The following KCNIP1 variants were observed in gnomAD, a reference collection of about 807,000 sequenced individuals.
KCNIP1 encodes the protein potassium voltage-gated channel interacting protein 1, also known as A-type potassium channel modulatory protein KCNIP1.
In KCNIP1, 18 loss-of-function variants were observed where a neutral mutation model predicts 33.0. The observed-to-expected ratio is 0.55, with a 90% CI of 0.38 to 0.81. The LOEUF is 0.81. Among genes scored for constraint, KCNIP1 ranks in the 30% least tolerant of loss-of-function variants. The pLI is 0.00. For synonymous variants in KCNIP1, 93 were observed against 98.3 expected (o/e 0.95, Z 0.32); for missense variants, 238 against 271.6 (o/e 0.88, Z 0.87).
chr5:170,496,618 G>C (rs1402195311), intron 1 of KCNIP1, among the ~76,000 whole-genome samples: 1 of 152,170 alleles, frequency 6.6e-6, no homozygotes, highest in Non-Finnish European at 1.5e-5. Flanking sequence ...ATCACCTCAG[G>C]AGACTAAAGC....
At chr5:170,626,004 T>G (rs1759806329) in intron 1 of KCNIP1, among the ~76,000 whole-genome samples, 1 of 152,066 alleles carries the variant, frequency 6.6e-6, no homozygotes, top group Admixed American at 6.5e-5. Context: ...GCCCAAAGTA[T>G]ACTGAGCGAT....
intron 1 of KCNIP1, among the ~76,000 whole-genome samples, chr5:170,675,709 A>G (rs989034423): frequency 6.6e-6 from 1 of 152,216 alleles, no homozygotes; most frequent in Non-Finnish European, 1.5e-5. Context: ...AACTGTGCAG[A>G]GCCCAGCACA....
chr5:170,530,436 A>G lies in KCNIP1; in HGVS notation c.61+25803A>G, dbSNP rs1474978387. ...AGAAACTGGGAGTCAAGGAGGTGAA[A>G]TGGCTTTCCCAAAGTCTTGCATATA... On this transcript the variant is annotated intron_variant, in intron 1 of 7. Coordinates refer to ENST00000328939, the MANE Select transcript of KCNIP1 (RefSeq NM_014592.4). Among the ~76,000 whole-genome samples the G allele has an allele frequency of 2.6e-5, 4 of 152,290 alleles. No homozygotes were observed. In the South Asian group the frequency reaches 8.3e-4, roughly 32 times the overall value.
intron 1 of KCNIP1, among the ~76,000 whole-genome samples, chr5:170,494,848 G>C (rs1441662348): frequency 6.6e-6 from 1 of 152,156 alleles, no homozygotes; most frequent in Non-Finnish European, 1.5e-5. Flanking sequence ...GAGAGATCGG[G>C]TTCAAACCCA....
chr5:170,695,903 C>T (rs1416731136), intron 1 of KCNIP1, among the ~76,000 whole-genome samples: 1 of 151,862 alleles, frequency 6.6e-6, no homozygotes, highest in Non-Finnish European at 1.5e-5. Context: ...CCTGTAATCC[C>T]AGCTACTTGG....
rs1757831457 is a variant in KCNIP1, at chr5:170,582,465, G to A, written c.61+77832G>A. ...TGCTCAATAAATGATAGGAAGTATTGGCTTTATAATATTGCATCTACCCCC... is the reference window on the plus strand; with the variant it reads ...TGCTCAATAAATGATAGGAAGTATTAGCTTTATAATATTGCATCTACCCCC... On this transcript the variant is annotated intron_variant, in intron 1 of 7. Transcript: ENST00000328939. Among the ~76,000 whole-genome samples the A allele has an allele frequency of 2.6e-5, 4 of 152,282 alleles. No individual in the cohort carries two copies. The South Asian group carries it at 8.3e-4, about 32-fold the overall frequency.
chr5:170,398,711 C>T (rs1204845462), intron 1 of KCNIP1, among the ~76,000 whole-genome samples: 2 of 152,224 alleles, frequency 1.3e-5, no homozygotes. Flanking sequence ...ATCAGCTGCT[C>T]TAAGTGGTTC....
chr5:170,431,001 C>T (rs1284514566), intron 1 of KCNIP1, among the ~76,000 whole-genome samples: 3 of 152,216 alleles, frequency 2.0e-5, no homozygotes, highest in Non-Finnish European at 4.4e-5. Context: ...ACAAAGAGTG[C>T]CATCCCTCCA....
At chr5:170,640,184 A>G (rs1309223929) in intron 1 of KCNIP1, among the ~76,000 whole-genome samples, 1 of 152,252 alleles carries the variant, frequency 6.6e-6, no homozygotes, top group African/African-American at 2.4e-5. Context: ...GTGACTCCCA[A>G]GGAGCTGATG....
rs1262191505 is a variant in KCNIP1 at position 170,551,638 on chromosome 5, ATGTGTGTGTGTGCT to A, written c.61+47008_61+47021del. On this transcript the variant is annotated intron_variant, in intron 1 of 7. Coordinates refer to ENST00000328939, the MANE Select transcript of KCNIP1 (RefSeq NM_014592.4). ...GGTAGCTGTGTGTGTGTGTGTGTGC[ATGTGTGTGTGTGCT>A]TGAGTGACTGTGAGTGGTTGTGAGA... is the stretch of plus-strand genomic sequence containing the variant. Among the ~76,000 whole-genome samples, 4 of 149,840 alleles carry A rather than the reference ATGTGTGTGTGTGCT, an allele frequency of 2.7e-5. No individual in the cohort carries two copies. The East Asian group carries it at 7.9e-4, about 29-fold the overall frequency.
At chr5:170,670,957 G>A (rs1359807305) in intron 1 of KCNIP1, among the ~76,000 whole-genome samples, 1 of 151,176 alleles carries the variant, frequency 6.6e-6, no homozygotes, top group Non-Finnish European at 1.5e-5. Context: ...CTGTGAACCT[G>A]ACACATGGTC....
chr5:170,663,860 G>A (rs1007500670), intron 1 of KCNIP1, among the ~76,000 whole-genome samples: 4 of 151,818 alleles, frequency 2.6e-5, no homozygotes, highest in Non-Finnish European at 5.9e-5. Flanking sequence ...TGGCCTGTGC[G>A]TTCACTCCTG....
rs79811728 is a variant in KCNIP1 at position 170,495,031 on chromosome 5, A to G, written c.88+141067A>G. ...GGTAACTCACTCTGATGTACCAGAA[A>G]GTTACTTTGCTTACTGCTTCAATCA... On this transcript the variant is annotated intron_variant, in intron 1 of 7. Coordinates refer to the KCNIP1 transcript ENST00000377360. 5.9e-3 allele frequency among the ~76,000 whole-genome samples: 903 copies of G among 152,354 alleles called. 5 individuals carry two copies. Among genetic ancestry groups the G allele is most frequent in the Non-Finnish European group, 0.01 (694 of 68,032 alleles).
At chr5:170,574,758 G>A (rs1757537776) in intron 1 of KCNIP1, among the ~76,000 whole-genome samples, 1 of 152,178 alleles carries the variant, frequency 6.6e-6, no homozygotes, top group Non-Finnish European at 1.5e-5. Flanking sequence ...CCATCCCATG[G>A]CAGGGCACAC....
chr5:170,668,268 T>C (rs772214274), intron 1 of KCNIP1, among the ~76,000 whole-genome samples: 2 of 152,170 alleles, frequency 1.3e-5, no homozygotes, highest in Non-Finnish European at 2.9e-5. Context: ...GAGGCAAAGT[T>C]TGGTAAACAG....
chr5:170,425,022 C>A (rs1201714783), intron 1 of KCNIP1, among the ~76,000 whole-genome samples: 1 of 152,214 alleles, frequency 6.6e-6, no homozygotes. Context: ...GTCATTCAGA[C>A]CTCAGCTCCA....
intron 1 of KCNIP1, among the ~76,000 whole-genome samples, chr5:170,395,868 T>TA (rs1168948598): frequency 6.6e-6 from 1 of 152,206 alleles, no homozygotes; most frequent in African/African-American, 2.4e-5. Context: ...CCCTGACAGA[T>TA]AATGGCCATC....
intron 1 of KCNIP1, among the ~76,000 whole-genome samples, chr5:170,697,281 TTG>T (rs1762929391): frequency 6.6e-6 from 1 of 152,184 alleles, no homozygotes; most frequent in Non-Finnish European, 1.5e-5. Flanking sequence ...CATTTTATGT[TTG>T]TGTCTGTGAT....
chr5:170,559,264 G>A (rs1347731376), intron 1 of KCNIP1, among the ~76,000 whole-genome samples: 1 of 152,214 alleles, frequency 6.6e-6, no homozygotes, highest in Admixed American at 6.5e-5. Flanking sequence ...CCAAGGCATT[G>A]TGTATATCAT....
Sources: allele counts gnomAD v4.1 joint callset (sites outside exome capture counted in the v4.1 genomes callset), GRCh38; gene constraint gnomAD v4.1.1; transcripts MANE v1.5; gene names NCBI Gene and HGNC (gene_info 2026-07-23, HGNC 2026-07-21).